Variants in ARHGEF10L observed in about 807,000 individuals in gnomAD.
ARHGEF10L encodes rho guanine nucleotide exchange factor 10-like protein.
In ARHGEF10L, 69 loss-of-function variants were observed where a neutral mutation model predicts 141.2. The ratio of observed to expected loss-of-function variants is 0.49; its 90% CI spans 0.40 to 0.60. The LOEUF is 0.60. Ranked by LOEUF, ARHGEF10L falls within the 20% of genes least tolerant of loss-of-function variation. The pLI is 0.00. For synonymous variants in ARHGEF10L, 711 were observed against 718.5 expected, an observed-to-expected ratio of 0.99 and a Z score of 0.17; for missense variants, 1,482 against 1,734.3, an observed-to-expected ratio of 0.85 and a Z score of 2.58.
At chr1:17,571,861 C>T (rs1284282501) in intron 1 of ARHGEF10L, among the ~76,000 whole-genome samples, 1 of 152,154 alleles carries the variant, frequency 6.6e-6, no homozygotes, top group East Asian at 1.9e-4. Context: ...GGGAAGGATC[C>T]AGTAGAGAGG....
At chr1:17,636,539 G>T (rs2061012365) in intron 18 of ARHGEF10L, among the ~76,000 whole-genome samples, 1 of 152,158 alleles carries the variant, frequency 6.6e-6, no homozygotes, top group South Asian at 2.1e-4. Flanking sequence ...GGTAGAGCAG[G>T]TTCCTCTGCG....
rs1224936028 is a variant in ARHGEF10L, at chr1:17,573,538, G to A, written c.-43-7015G>A. On this transcript the variant is annotated intron_variant, in intron 1 of 28. Transcript: ENST00000361221. The surrounding 1 kb of genome is among the most constrained non-coding windows in gnomAD (Gnocchi z 4.8). ...TTCACTCCTTCTGCTGGGCTGGATC[G>A]CCGGGGACAAAGGGGTTAATGTGTC... Among the ~76,000 whole-genome samples, 5 of 152,220 alleles carry A rather than the reference G, an allele frequency of 3.3e-5. No homozygotes were observed. The East Asian group carries it at 5.8e-4, about 18-fold the overall frequency.
chr1:17,640,437 G>A (rs1046137269), intron 21 of ARHGEF10L, 135 bp downstream of exon 21: 15 of 710,594 alleles, frequency 2.1e-5, no homozygotes, highest in African/African-American at 2.0e-4. Context: ...GGGAGGTGGT[G>A]CGGTGGAGAA....
At chr1:17,567,431 A>C (rs2077804590) in intron 1 of ARHGEF10L, among the ~76,000 whole-genome samples, 1 of 152,188 alleles carries the variant, frequency 6.6e-6, no homozygotes, top group African/African-American at 2.4e-5. Flanking sequence ...CAATGGCGCG[A>C]TCTCGGCTCA....
At chr1:17,638,836 G>A in intron 20 of ARHGEF10L, 147 bp downstream of exon 20, 1 of 1,213,712 alleles carries the variant, frequency 8.2e-7, no homozygotes, top group Non-Finnish European at 1.1e-6. Context: ...GCCATGTCTG[G>A]GATAGCATCT....
At chr1:17,618,427 G>A (rs1323683757) in intron 9 of ARHGEF10L, 2 of 1,529,898 alleles carry the variant, frequency 1.3e-6, no homozygotes, top group Non-Finnish European at 1.8e-6. Flanking sequence ...GATGCCCGGG[G>A]CGTGATGTGG....
At chr1:17,675,392 C>A (rs1016350458) in intron 26 of ARHGEF10L, among the ~76,000 whole-genome samples, 1 of 152,184 alleles carries the variant, frequency 6.6e-6, no homozygotes. Flanking sequence ...TGGCTAAGCA[C>A]GGGCAAATGG....
rs76395978 is a variant in ARHGEF10L at position 17,609,218 on chromosome 1, G to T, written c.609+1241G>T. ...TCTGGGCTTGGGGGATCCACTCTGG[G>T]AGAGGCATGCTGGCCGGAGGAACAC... On this transcript the variant is annotated intron_variant, in intron 7 of 28. Transcript: ENST00000361221. 5.8e-3 allele frequency among the ~76,000 whole-genome samples: 886 copies of T among 152,318 alleles called. 11 individuals are homozygous for T. The highest frequency in any genetic ancestry group is 0.02 in the African/African-American group (840 of 41,574).
intron 26 of ARHGEF10L, among the ~76,000 whole-genome samples, chr1:17,684,088 T>C (rs2102456308): frequency 6.6e-6 from 1 of 152,336 alleles, no homozygotes; most frequent in East Asian, 1.9e-4. Context: ...TGGGTCTCAC[T>C]GACTGTCCTG....
chr1:17,528,268 G>C, the ARHGEF10L span, among the ~76,000 whole-genome samples: 3 of 151,590 alleles, frequency 2.0e-5, no homozygotes, highest in African/African-American at 7.3e-5. Flanking sequence ...TGTCCCCCAG[G>C]CTGGAGTACA....
At chr1:17,687,843 C>A in intron 27 of ARHGEF10L, 96 bp downstream of exon 27, 2 of 1,344,462 alleles carry the variant, frequency 1.5e-6, no homozygotes, top group Non-Finnish European at 2.0e-6. Context: ...CATTTTCCCT[C>A]ATCAGCCCTG....
intron 26 of ARHGEF10L, among the ~76,000 whole-genome samples, chr1:17,680,633 G>A (rs377350268): frequency 1.6e-4 from 24 of 152,210 alleles, no homozygotes; most frequent in African/African-American, 4.8e-4. Context: ...CCCCAGAGGC[G>A]TGTTCTCTTT....
At chr1:17,537,887 A>C (rs2076601142), upstream of ARHGEF10L, among the ~76,000 whole-genome samples, 3 of 151,592 alleles carry the variant, frequency 2.0e-5, no homozygotes, top group African/African-American at 7.2e-5. Context: ...AAGAAAAGAA[A>C]AAAAAAATGA....
chr1:17,588,564 C>T (rs2079230564), intron 4 of ARHGEF10L, 85 bp downstream of exon 4: 1 of 1,547,376 alleles, frequency 6.5e-7, no homozygotes, highest in Non-Finnish European at 8.9e-7. Flanking sequence ...AGCTGAGGCC[C>T]AGAGGACCCG....
the ARHGEF10L span, among the ~76,000 whole-genome samples, chr1:17,514,280 C>T: frequency 6.6e-6 from 1 of 151,674 alleles, no homozygotes; most frequent in Non-Finnish European, 1.5e-5. Flanking sequence ...AGATTACAGG[C>T]GCCTGCCACC....
chr1:17,643,548 C>T (rs1297069541), intron 21 of ARHGEF10L, among the ~76,000 whole-genome samples: 1 of 152,196 alleles, frequency 6.6e-6, no homozygotes, highest in Non-Finnish European at 1.5e-5. Flanking sequence ...GTTTGAGAGG[C>T]AGTAAGGGGT....
intron 26 of ARHGEF10L, among the ~76,000 whole-genome samples, chr1:17,672,425 G>C (rs17469160): frequency 0.099 from 15,072 of 152,128 alleles, 841 homozygotes; most frequent in African/African-American, 0.11. Context: ...GCAAATTGGC[G>C]TGAGGGTGAA....
At chr1:17,649,717 A>G (rs2061803234) in intron 22 of ARHGEF10L, among the ~76,000 whole-genome samples, 1 of 152,240 alleles carries the variant, frequency 6.6e-6, no homozygotes, top group Non-Finnish European at 1.5e-5. Context: ...GAGGTGTGTA[A>G]TAAAGACATC....
rs752167748 is a variant in ARHGEF10L at position 17,639,840 on chromosome 1, G to T, written c.2172-362G>T. Reference sequence around the variant, plus strand: ...CCCATTCCTCCCTCTAGAGGCACGTGGTCAGACATGTAAGGTGTCTAAGAC... The same window carrying T: ...CCCATTCCTCCCTCTAGAGGCACGTTGTCAGACATGTAAGGTGTCTAAGAC... On this transcript the variant is annotated intron_variant, in intron 20 of 28. Coordinates refer to ENST00000361221, the MANE Select transcript of ARHGEF10L (RefSeq NM_018125.4). The surrounding 1 kb of genome is among the most constrained non-coding windows in gnomAD (Gnocchi z 4.3). 31 of 1,350,354 alleles carry T rather than the reference G, an allele frequency of 2.3e-5. No homozygotes were observed. The South Asian group carries it at 3.6e-4, about 15-fold the overall frequency. 83.6% of individuals were successfully genotyped at this position (1,350,354 alleles called of 1,614,324 possible). A position where few individuals can be genotyped will look rare whatever the true frequency, so the allele number is the denominator to read the frequency against.
Sources: allele counts gnomAD v4.1 joint callset (sites outside exome capture counted in the v4.1 genomes callset), GRCh38; gene constraint gnomAD v4.1.1; non-coding constraint Gnocchi (gnomAD v3.1); transcripts MANE v1.5; gene names NCBI Gene and HGNC (gene_info 2026-07-23, HGNC 2026-07-21).